Variants in GPAT4 observed in about 807,000 individuals in gnomAD.
The protein encoded by GPAT4 is 1-AGP acyltransferase 6.
A neutral mutation model predicts 58.0 loss-of-function variants in GPAT4; 17 were observed. The observed-to-expected ratio is 0.29, with a 90% CI of 0.20 to 0.44. The LOEUF is 0.44. Ranked by LOEUF, GPAT4 falls within the 20% of genes least tolerant of loss-of-function variation. The pLI, the probability that GPAT4 is intolerant of heterozygous loss-of-function variation, is 1.00. For synonymous variants in GPAT4, 204 were observed against 210.1 expected, an observed-to-expected ratio of 0.97 and a Z score of 0.25; for missense variants, 377 against 574.5, an observed-to-expected ratio of 0.66 and a Z score of 3.51.
rs372496794 is a variant in GPAT4 at position 41,609,393 on chromosome 8, A to T, written c.166-23A>T. On this transcript the variant is annotated intron_variant, in intron 2 of 12. Coordinates refer to ENST00000396987, the MANE Select transcript of GPAT4 (RefSeq NM_178819.4). ...AAACAGGTCTCATTCTTGCTCTTGT[A>T]TCTTGCTTCCTTCCCCTCCCAGTGG... 34 of 1,611,004 alleles carry T rather than the reference A, an allele frequency of 2.1e-5. No homozygotes were observed. The African/African-American group carries it at 3.2e-4, about 15-fold the overall frequency.
Position 41,606,302 on chromosome 8 carries a change from C to T in GPAT4, c.166-3114C>T, listed in dbSNP as rs142514734. ...CTTAACTTGTGGGATCTGATACCAA[C>T]TCCAGGTCAATAGCCTCAGAATTGA... On this transcript the variant is annotated intron_variant, in intron 2 of 12. Coordinates refer to ENST00000396987, the MANE Select transcript of GPAT4 (RefSeq NM_178819.4). 3.4e-3 allele frequency among the ~76,000 whole-genome samples: 515 copies of T among 152,292 alleles called. 1 individual carries two copies. Among genetic ancestry groups the T allele is most frequent in the South Asian group, 0.016 (77 of 4,830 alleles).
At chr8:41,596,918 A>T (rs1420550839) in intron 1 of GPAT4, among the ~76,000 whole-genome samples, 1 of 152,164 alleles carries the variant, frequency 6.6e-6, no homozygotes, top group African/African-American at 2.4e-5. Context: ...TACAACTCCA[A>T]GGGGGTCCGC....
chr8:41,620,789 G>C lies in GPAT4; in HGVS notation c.1263-104G>C, dbSNP rs572116826. On this transcript the variant is annotated intron_variant, in intron 12 of 12. Transcript: ENST00000396987. ...GAGTGCCACGGGGTACCCTGTTTCT[G>C]GCAGGTTTTTCTTGGTGTTTGGGCA... is the stretch of plus-strand genomic sequence containing the variant. 43 of 1,498,280 alleles carry C rather than the reference G, an allele frequency of 2.9e-5. No homozygotes were observed. In the African/African-American group the frequency reaches 5.7e-4, roughly 20 times the overall value. 92.8% of individuals were successfully genotyped at this position (1,498,280 alleles called of 1,614,324 possible).
intron 1 of GPAT4, among the ~76,000 whole-genome samples, chr8:41,587,224 C>T (rs1802678864): frequency 6.6e-6 from 1 of 152,206 alleles, no homozygotes; most frequent in African/African-American, 2.4e-5. Context: ...CTGGCTGTGG[C>T]CATGTTTGCC....
rs536888112 is a variant in GPAT4, at chr8:41,578,921, G to T, written c.-849+643G>T. The stretch of plus-strand genomic sequence containing the variant: ...GAAAATAGCTTATAGGAGACATACG[G>T]TGTAGCACGATGGAAATAAGTTCCA... On this transcript the variant is annotated intron_variant, in intron 1 of 12. Coordinates refer to ENST00000396987, the MANE Select transcript of GPAT4 (RefSeq NM_178819.4). Among the ~76,000 whole-genome samples, 11 of 152,332 alleles carry T rather than the reference G, an allele frequency of 7.2e-5. No homozygotes were observed. In the South Asian group the frequency reaches 2.1e-3, roughly 29 times the overall value.
At chr8:41,586,526 C>G (rs1021481925) in intron 1 of GPAT4, among the ~76,000 whole-genome samples, 2 of 152,154 alleles carry the variant, frequency 1.3e-5, no homozygotes, top group Non-Finnish European at 2.9e-5. Flanking sequence ...GGGTTGGATT[C>G]TTAGTATTGA....
chr8:41,605,995 C>T (rs142982060), intron 2 of GPAT4, among the ~76,000 whole-genome samples: 2 of 152,302 alleles, frequency 1.3e-5, no homozygotes, highest in Admixed American at 6.5e-5. Flanking sequence ...GCATGAACCA[C>T]GAGGCAGCTG....
chr8:41,621,221 A>T lies in GPAT4; in HGVS notation c.*220A>T. On this transcript the variant is annotated 3_prime_UTR_variant, in exon 13 of 13. Coordinates refer to ENST00000396987, the MANE Select transcript of GPAT4 (RefSeq NM_178819.4). ...TAAACGGATGCTGCTGGGTGTTGCG[A>T]CCCAGGACGAGATGCCTTGTTTCTT... 2 of 604,138 alleles carry T rather than the reference A, an allele frequency of 3.3e-6. No individual in the cohort carries two copies. Among genetic ancestry groups the T allele is most frequent in the Non-Finnish European group, 2.9e-6 (1 of 349,216 alleles). The allele number at this position is 604,138 out of a possible 1,614,324, so 37.4% of individuals were successfully genotyped here.
Position 41,599,106 on chromosome 8 carries a change from G to T in GPAT4, c.-34G>T, listed in dbSNP as rs368558123. On this transcript the variant is annotated 5_prime_UTR_variant, in exon 2 of 13. Transcript: ENST00000396987. ...CTGAAGGCTGCAATTTGTTCTTAGG[G>T]AGGCAGGTGCTGGCCTGGCCTGGAT... 1.5e-4 allele frequency: 244 copies of T among 1,580,912 alleles called. No homozygotes were observed. The highest frequency in any genetic ancestry group is 2.0e-4 in the Non-Finnish European group (234 of 1,168,252).
At chr8:41,580,911 A>G (rs1259150275) in intron 1 of GPAT4, among the ~76,000 whole-genome samples, 1 of 152,208 alleles carries the variant, frequency 6.6e-6, no homozygotes, top group African/African-American at 2.4e-5. Context: ...GTTTCTGCTA[A>G]AGAAAAACCC....
chr8:41,606,861 ACT>A (rs1203651521), intron 2 of GPAT4, among the ~76,000 whole-genome samples: 2 of 151,882 alleles, frequency 1.3e-5, no homozygotes, highest in African/African-American at 2.4e-5. Context: ...AAGGCGTCTG[ACT>A]CTCAGTTCTT....
intron 1 of GPAT4, among the ~76,000 whole-genome samples, chr8:41,585,694 A>G (rs144316754): frequency 3.5e-4 from 54 of 152,370 alleles, no homozygotes; most frequent in Non-Finnish European, 7.3e-4. Flanking sequence ...TTTTGAGGTC[A>G]GACAGCCAGA....
intron 3 of GPAT4, 39 bp from the exon 4 acceptor site, chr8:41,609,616 C>T: frequency 6.2e-7 from 1 of 1,606,572 alleles, no homozygotes; most frequent in African/African-American, 1.3e-5. Flanking sequence ...ACGTGCTCTC[C>T]CCCAGCGTGC....
chr8:41,590,028 C>G (rs1215584787), intron 1 of GPAT4, among the ~76,000 whole-genome samples: 1 of 152,172 alleles, frequency 6.6e-6, no homozygotes, highest in Non-Finnish European at 1.5e-5. Context: ...GTGTCTGTAT[C>G]TTGGATTCTG....
Position 41,614,349 on chromosome 8 carries a change from G to T in GPAT4, c.912-37G>T, listed in dbSNP as rs374488169. ...AACATATTTTGACGATGTGTATAAG[G>T]TTGTCTGACCCTTTATTTTATTTTC... On this transcript the variant is annotated intron_variant, in intron 8 of 12. Coordinates refer to ENST00000396987, the MANE Select transcript of GPAT4 (RefSeq NM_178819.4). The T allele has an allele frequency of 2.5e-6, 4 of 1,576,944 alleles. No individual in the cohort carries two copies. In the Admixed American group the frequency reaches 5.1e-5, roughly 20 times the overall value.
chr8:41,621,190 G>A lies in GPAT4; in HGVS notation c.*189G>A. On this transcript the variant is annotated 3_prime_UTR_variant, in exon 13 of 13. Transcript: ENST00000396987. Reference sequence around the variant, plus strand: ...GTGCACCCGGCGCAGCCTACCCTTGGTGGTCTAAACGGATGCTGCTGGGTG... The same window carrying A: ...GTGCACCCGGCGCAGCCTACCCTTGATGGTCTAAACGGATGCTGCTGGGTG... 5.0e-6 allele frequency: 4 copies of A among 797,470 alleles called. No homozygotes were observed. Among genetic ancestry groups the A allele is most frequent in the Non-Finnish European group, 7.7e-6 (4 of 516,768 alleles). 49.4% of individuals were successfully genotyped at this position (797,470 alleles called of 1,614,324 possible).
At chr8:41,590,766 G>T (rs537755523) in intron 1 of GPAT4, among the ~76,000 whole-genome samples, 2 of 152,316 alleles carry the variant, frequency 1.3e-5, no homozygotes, top group East Asian at 3.9e-4. Flanking sequence ...TGTCCTTGTA[G>T]ACTAGAGCAT....
Position 41,610,803 on chromosome 8 carries a change from A to G in GPAT4, c.604A>G (p.Asn202Asp). The change falls in exon 5 of 13, where the codon AAT (asparagine) becomes GAT (aspartate). Residue 202 changes from asparagine to aspartate, a missense_variant. By Grantham distance (23) the Asn-to-Asp change is conservative (BLOSUM62 1). Transcript: ENST00000396987. ...CACAACTGTGGTGGGATACTTGCCA[A>G]ATGGGAGGTGAGTAGAGTGTGGCAG... Reference protein sequence around the residue: ...VGTTVVGYLPNGRFKEFMSKH... With the variant: ...VGTTVVGYLPDGRFKEFMSKH... 1 of 1,610,960 alleles carries G rather than the reference A, an allele frequency of 6.2e-7. No individual in the cohort carries two copies. The highest frequency in any genetic ancestry group is 8.5e-7 in the Non-Finnish European group (1 of 1,178,238).
Position 41,621,046 on chromosome 8 carries a change from G to T in GPAT4, c.*45G>T. On this transcript the variant is annotated 3_prime_UTR_variant, in exon 13 of 13. Transcript: ENST00000396987. ...GGGCCACCGTGCGGGGTGCCAACGG[G>T]CTCAGAGCTGGAGTTGCCGCCGCCG... 1 of 1,549,162 alleles carries T rather than the reference G, an allele frequency of 6.5e-7. No homozygotes were observed. Among genetic ancestry groups the T allele is most frequent in the Non-Finnish European group, 8.7e-7 (1 of 1,146,538 alleles).
Sources: allele counts gnomAD v4.1 joint callset (sites outside exome capture counted in the v4.1 genomes callset), GRCh38; gene constraint gnomAD v4.1.1; transcripts MANE v1.5; gene names NCBI Gene and HGNC (gene_info 2026-07-23, HGNC 2026-07-21).